The following CHRM2 variants were observed in gnomAD, a reference collection of about 807,000 sequenced individuals.
The protein encoded by CHRM2 is cholinergic receptor muscarinic 2, also known as muscarinic acetylcholine receptor M2.
In CHRM2, 8 loss-of-function variants were observed where a neutral mutation model predicts 25.0. That is an observed-to-expected ratio of 0.32 (90% CI 0.19 to 0.58). The LOEUF is 0.58. Ranked by LOEUF, CHRM2 falls within the 20% of genes least tolerant of loss-of-function variation. The probability of loss-of-function intolerance (pLI) is 0.88; values close to 1 mark genes in which losing one functional copy is unlikely to be tolerated. For synonymous variants in CHRM2, 202 were observed against 205.7 expected (o/e 0.98, Z 0.15); for missense variants, 440 against 567.1 (o/e 0.78, Z 2.28).
Position 136,889,047 on chromosome 7 carries a change from C to CAAAAA in CHRM2, c.-125+19651_-125+19655dup, listed in dbSNP as rs56915229. ...TGGGCGACAGAGCGAGACTACATCT[C>CAAAAA]AAAAAAAAAAAAAAAAAAAAAAAAA... On this transcript the variant is annotated intron_variant, in intron 2 of 3. Coordinates refer to ENST00000680005, the MANE Select transcript of CHRM2 (RefSeq NM_001006630.2). 1.2e-3 allele frequency among the ~76,000 whole-genome samples: 79 copies of CAAAAA among 66,486 alleles called. 1 individual carries two copies. Among genetic ancestry groups the CAAAAA allele is most frequent in the African/African-American group, 3.3e-3 (49 of 14,694 alleles). The allele number at this position is 66,486 out of a possible 152,430, so 43.6% of individuals were successfully genotyped here. A position where few individuals can be genotyped will look rare whatever the true frequency, so the allele number is the denominator to read the frequency against.
intron 2 of CHRM2, among the ~76,000 whole-genome samples, chr7:136,872,184 A>G (rs1221296970): frequency 6.6e-6 from 1 of 152,182 alleles, no homozygotes; most frequent in African/African-American, 2.4e-5. Flanking sequence ...CTATAAAATA[A>G]AGAGGCATGT....
intron 2 of CHRM2, among the ~76,000 whole-genome samples, chr7:136,909,697 T>C (rs1797736284): frequency 6.6e-6 from 1 of 151,938 alleles, no homozygotes; most frequent in Admixed American, 6.6e-5. Flanking sequence ...AGCATGTTTA[T>C]ATAGAGTCTT....
intron 2 of CHRM2, chr7:136,902,480 A>T (rs927996875): frequency 2.0e-5 from 3 of 152,062 alleles, no homozygotes; most frequent in African/African-American, 7.2e-5. Context: ...AGCCCCAATT[A>T]AATGCACGTA....
chr7:136,941,934 T>C (rs1307787938), intron 2 of CHRM2, among the ~76,000 whole-genome samples: 1 of 152,144 alleles, frequency 6.6e-6, no homozygotes, highest in African/African-American at 2.4e-5. Context: ...GACCTGGGGC[T>C]AGTAAGTACA....
chr7:136,967,945 T>C (rs1389420355), intron 2 of CHRM2, among the ~76,000 whole-genome samples: 1 of 151,994 alleles, frequency 6.6e-6, no homozygotes, highest in Non-Finnish European at 1.5e-5. Context: ...TTTTTACTCA[T>C]TCACACTTCA....
chr7:136,872,197 G>C (rs1408744804), intron 2 of CHRM2, among the ~76,000 whole-genome samples: 1 of 152,176 alleles, frequency 6.6e-6, no homozygotes, highest in South Asian at 2.1e-4. Context: ...AGGCATGTTT[G>C]TTTGTAGAAG....
intron 2 of CHRM2, among the ~76,000 whole-genome samples, chr7:136,923,187 G>A (rs76724267): frequency 0.012 from 1,888 of 151,498 alleles, 33 homozygotes; most frequent in African/African-American, 0.044. Context: ...GCAGCCACAA[G>A]GAGAGTACTA....
At chr7:136,966,552 C>T (rs324585) in intron 2 of CHRM2, among the ~76,000 whole-genome samples, 136,608 of 151,918 alleles carry the variant, frequency 0.9, 61,869 homozygotes, top group Middle Eastern at 0.98. Context: ...ATTTTGCCTG[C>T]CCTTGTCTCC....
intron 2 of CHRM2, among the ~76,000 whole-genome samples, chr7:136,958,328 T>A (rs1234035625): frequency 6.6e-6 from 1 of 152,186 alleles, no homozygotes; most frequent in African/African-American, 2.4e-5. Flanking sequence ...TACTTGCAGC[T>A]CTTTGAATAC....
intron 3 of CHRM2, among the ~76,000 whole-genome samples, chr7:136,998,720 C>T (rs150037064): frequency 6.2e-4 from 94 of 152,214 alleles, no homozygotes; most frequent in African/African-American, 2.2e-3. Context: ...ACGTGAGAAA[C>T]GGAGAGGTGG....
chr7:136,985,777 A>G (rs1802816501), intron 2 of CHRM2, among the ~76,000 whole-genome samples: 1 of 152,140 alleles, frequency 6.6e-6, no homozygotes, highest in Non-Finnish European at 1.5e-5. Flanking sequence ...ACCAATATTA[A>G]GGTATATTTT....
chr7:136,978,301 G>T (rs937612026), intron 2 of CHRM2, among the ~76,000 whole-genome samples: 73 of 152,082 alleles, frequency 4.8e-4, no homozygotes, highest in African/African-American at 1.7e-3. Context: ...TCAATTACTT[G>T]ATTCATTTAG....
chr7:136,890,508 A>C (rs1027289227), intron 2 of CHRM2, among the ~76,000 whole-genome samples: 2 of 152,222 alleles, frequency 1.3e-5, no homozygotes, highest in African/African-American at 2.4e-5. Flanking sequence ...TGCAGTAGTG[A>C]ACCTTGTGAC....
intron 2 of CHRM2, among the ~76,000 whole-genome samples, chr7:136,916,566 G>A (rs1416787110): frequency 3.3e-5 from 5 of 150,924 alleles, no homozygotes; most frequent in South Asian, 2.1e-4. Context: ...TCCACATTCC[G>A]CTTCAAAGTT....
chr7:136,903,143 T>G (rs1201979910), intron 2 of CHRM2: 1 of 534,080 alleles, frequency 1.9e-6, no homozygotes, highest in Non-Finnish European at 3.8e-6. Context: ...CCAACGGTGG[T>G]GAAGAGGATC....
intron 2 of CHRM2, among the ~76,000 whole-genome samples, chr7:136,884,473 A>C (rs142444333): frequency 6.6e-6 from 1 of 151,594 alleles, no homozygotes; most frequent in Non-Finnish European, 1.5e-5. Flanking sequence ...AAATGTTTTC[A>C]AAATGAAATG....
At chr7:136,966,566 C>A (rs1801428595) in intron 2 of CHRM2, among the ~76,000 whole-genome samples, 1 of 151,900 alleles carries the variant, frequency 6.6e-6, no homozygotes, top group Non-Finnish European at 1.5e-5. Context: ...TGTCTCCTAG[C>A]CTCTTGTCCT....
intron 2 of CHRM2, among the ~76,000 whole-genome samples, chr7:136,929,129 AT>A (rs200315329): frequency 0.023 from 3,462 of 151,234 alleles, 130 homozygotes; most frequent in African/African-American, 0.08. Flanking sequence ...TGGTCATTTT[AT>A]TTTTTTTTAT....
At chr7:136,915,637 A>G (rs1443068131) in intron 2 of CHRM2, among the ~76,000 whole-genome samples, 1 of 151,778 alleles carries the variant, frequency 6.6e-6, no homozygotes, top group African/African-American at 2.4e-5. Flanking sequence ...TCCAATGCCT[A>G]CTCACAATTA....
Sources: allele counts gnomAD v4.1 joint callset (sites outside exome capture counted in the v4.1 genomes callset), GRCh38; gene constraint gnomAD v4.1.1; transcripts MANE v1.5; gene names NCBI Gene and HGNC (gene_info 2026-07-23, HGNC 2026-07-21).